Variants in ARHGEF10L observed in about 807,000 individuals in gnomAD.
ARHGEF10L encodes the protein Rho guanine nucleotide exchange factor 10 like.
A neutral mutation model predicts 141.2 loss-of-function variants in ARHGEF10L; 69 were observed. The ratio of observed to expected loss-of-function variants is 0.49; its 90% confidence interval spans 0.40 to 0.60. The LOEUF is 0.60. Among genes scored for constraint, ARHGEF10L ranks in the 20% least tolerant of loss-of-function variants. The pLI is 0.00. For synonymous variants in ARHGEF10L, 711 were observed against 718.5 expected, an observed-to-expected ratio of 0.99 and a Z score of 0.17; for missense variants, 1,482 against 1,734.3, an observed-to-expected ratio of 0.85 and a Z score of 2.58.
At chr1:17,552,573 T>C (rs1452273998) in intron 1 of ARHGEF10L, among the ~76,000 whole-genome samples, 2 of 27,058 alleles carry the variant, frequency 7.4e-5, no homozygotes, top group African/African-American at 3.0e-4. Context: ...TAATTTTCGT[T>C]TTTTTTTTTT....
rs930873530 is a variant in ARHGEF10L at position 17,656,165 on chromosome 1, G to A, written c.2705+63G>A. On this transcript the variant is annotated intron_variant, in intron 24 of 28. Coordinates refer to ENST00000361221, the MANE Select transcript of ARHGEF10L (RefSeq NM_018125.4). The surrounding 1 kb of genome is among the most constrained non-coding windows in gnomAD (Gnocchi z 4.9). The stretch of plus-strand genomic sequence containing the variant: ...CAGGGCTGGGCAGTGGGTGGGGGCT[G>A]TCCCTGTAGCCTTCCGGATCTGCCT... The A allele has an allele frequency of 6.6e-7, 1 of 1,504,094 alleles. No individual in the cohort carries two copies. Among genetic ancestry groups the A allele is most frequent in the Non-Finnish European group, 9.0e-7 (1 of 1,111,622 alleles). 93.2% of individuals were successfully genotyped at this position (1,504,094 alleles called of 1,614,324 possible). A position where few individuals can be genotyped will look rare whatever the true frequency, so the allele number is the denominator to read the frequency against.
rs61749347 is a variant in ARHGEF10L at position 17,687,581 on chromosome 1, C to G, written c.3018C>G (p.Phe1006Leu). 3.7e-5 allele frequency: 59 copies of G among 1,612,792 alleles called. No individual in the cohort carries two copies. The highest frequency in any genetic ancestry group is 4.8e-5 in the Non-Finnish European group (57 of 1,179,936). The change falls in exon 27 of 29, where the codon TTC becomes TTG. Residue 1006 changes from phenylalanine (F) to leucine (L), a missense_variant. Coordinates refer to ENST00000361221, the MANE Select transcript of ARHGEF10L (RefSeq NM_018125.4). ...CTCCCTTTGTGCCACAGCAAAGCTT[C>G]GAGGCGCACCAGGACGAGGCAGTGA... is the stretch of plus-strand genomic sequence containing the variant. ...EATTLQPQQS[F>L]EAHQDEAVSV... is the part of the protein sequence containing the mutation.
chr1:17,661,651 C>A (rs1557966502), intron 25 of ARHGEF10L, among the ~76,000 whole-genome samples: 1 of 152,162 alleles, frequency 6.6e-6, no homozygotes, highest in Non-Finnish European at 1.5e-5. Flanking sequence ...TTCTCAGCAT[C>A]CCTAGCTGCT....
chr1:17,575,921 C>T (rs887285294), intron 1 of ARHGEF10L, among the ~76,000 whole-genome samples: 1 of 152,210 alleles, frequency 6.6e-6, no homozygotes, highest in Non-Finnish European at 1.5e-5. Context: ...GCTTGACAAG[C>T]GTGCTTGGGC....
rs1056873973 is a variant in ARHGEF10L, at chr1:17,654,418, G to T, written c.2395-218G>T. 5.9e-5 allele frequency among the ~76,000 whole-genome samples: 9 copies of T among 152,146 alleles called. No homozygotes were observed. Among genetic ancestry groups the T allele is most frequent in the Admixed American group, 3.3e-4 (5 of 15,280 alleles). ...TGGGCTGATACAGAGCCTCTTGCAG[G>T]CCTCTTCTAGCCGGAAGGTTCTAGG... is the stretch of plus-strand genomic sequence containing the variant. On this transcript the variant is annotated intron_variant, in intron 22 of 28. Transcript: ENST00000361221. The surrounding 1 kb of genome is among the most constrained non-coding windows in gnomAD (Gnocchi z 4.3).
At position 17,553,652 on chromosome 1, in the gene ARHGEF10L, G is replaced by A. The variant is rs184791976; in HGVS notation, c.-44+13702G>A. On this transcript the variant is annotated intron_variant, in intron 1 of 28. Transcript: ENST00000361221. ...CAAAAAACAAAAATTAGCCAGGCATGATGGTGGGCACCTGTAGTCCCAGCT... is the reference window on the plus strand; with the variant it reads ...CAAAAAACAAAAATTAGCCAGGCATAATGGTGGGCACCTGTAGTCCCAGCT... 2.0e-5 allele frequency among the ~76,000 whole-genome samples: 3 copies of A among 152,218 alleles called. No individual in the cohort carries two copies. In the East Asian group the frequency reaches 5.8e-4, roughly 29 times the overall value.
At chr1:17,695,411 T>C in intron 28 of ARHGEF10L, 131 bp downstream of exon 28, 1 of 1,300,870 alleles carries the variant, frequency 7.7e-7, no homozygotes, top group Non-Finnish European at 1.0e-6. Context: ...CTTCCTCTCA[T>C]CTCAGGTGGC....
chr1:17,657,001 G>C (rs567156889), intron 25 of ARHGEF10L, among the ~76,000 whole-genome samples: 1 of 152,152 alleles, frequency 6.6e-6, no homozygotes, highest in Non-Finnish European at 1.5e-5. Context: ...TTCCCGTTCA[G>C]GCTTTGCCCG....
At chr1:17,587,711 C>G in intron 3 of ARHGEF10L, 66 bp downstream of exon 3, 3 of 1,505,332 alleles carry the variant, frequency 2.0e-6, no homozygotes, top group Non-Finnish European at 2.7e-6. Flanking sequence ...GGCGGAAGCT[C>G]CAGGCTCTCA....
Position 17,563,879 on chromosome 1 carries a change from C to T in ARHGEF10L, c.-43-16674C>T, listed in dbSNP as rs565868365. On this transcript the variant is annotated intron_variant, in intron 1 of 28. Coordinates refer to ENST00000361221, the MANE Select transcript of ARHGEF10L (RefSeq NM_018125.4). ...GATTTCAACCTCTCAAAGACCCCTCCGTCGTCTGAGAGCGTCTGATTGTGG... is the reference window on the plus strand; with the variant it reads ...GATTTCAACCTCTCAAAGACCCCTCTGTCGTCTGAGAGCGTCTGATTGTGG... Among the ~76,000 whole-genome samples the T allele has an allele frequency of 2.3e-4, 35 of 152,246 alleles. 2 individuals carry two copies. The South Asian group carries it at 3.5e-3, about 15-fold the overall frequency.
At chr1:17,552,105 A>G (rs1270516683) in intron 1 of ARHGEF10L, among the ~76,000 whole-genome samples, 1 of 152,114 alleles carries the variant, frequency 6.6e-6, no homozygotes, top group Non-Finnish European at 1.5e-5. Flanking sequence ...GGAAAACTCC[A>G]TGGGGCTGGT....
intron 4 of ARHGEF10L, among the ~76,000 whole-genome samples, chr1:17,593,687 G>A (rs1037714170): frequency 7.9e-5 from 12 of 152,202 alleles, no homozygotes; most frequent in Non-Finnish European, 1.3e-4. Flanking sequence ...CCGAAACCTC[G>A]CTTTTAGCCC....
At chr1:17,664,632 C>G (rs750797251) in intron 26 of ARHGEF10L, 37 bp downstream of exon 26, 1 of 1,485,754 alleles carries the variant, frequency 6.7e-7, no homozygotes, top group Non-Finnish European at 8.9e-7. Flanking sequence ...CCCTGGAGGC[C>G]TGCCTTCCTT....
the ARHGEF10L span, among the ~76,000 whole-genome samples, chr1:17,513,467 C>T: frequency 1.1e-4 from 16 of 152,132 alleles, no homozygotes; most frequent in Non-Finnish European, 2.1e-4. Context: ...CTCCAAGGGT[C>T]AGTCTGGTGT....
intron 26 of ARHGEF10L, among the ~76,000 whole-genome samples, chr1:17,681,819 C>G (rs180876398): frequency 7.2e-5 from 11 of 152,334 alleles, no homozygotes; most frequent in Admixed American, 5.9e-4. Flanking sequence ...AGTTCCTCCA[C>G]AAACTTTCCC....
At chr1:17,628,614 G>A (rs1401203894) in intron 15 of ARHGEF10L, among the ~76,000 whole-genome samples, 2 of 152,066 alleles carry the variant, frequency 1.3e-5, no homozygotes, top group Non-Finnish European at 2.9e-5. Context: ...TTTGGAGAAC[G>A]GATACTGTGT....
In ARHGEF10L at chr1:17,539,801, A is replaced by G. The variant is rs2100581136; in HGVS notation, c.-193A>G. 1 of 144,932 alleles carries G rather than the reference A, an allele frequency of 6.9e-6. No homozygotes were observed. Among genetic ancestry groups the G allele is most frequent in the South Asian group, 1.9e-4 (1 of 5,362 alleles). The allele number at this position is 144,932 out of a possible 1,614,324, so 9.0% of individuals were successfully genotyped here. On this transcript the variant is annotated 5_prime_UTR_variant, in exon 1 of 29. Coordinates refer to ENST00000361221, the MANE Select transcript of ARHGEF10L (RefSeq NM_018125.4). The surrounding 1 kb of genome is among the most constrained non-coding windows in gnomAD (Gnocchi z 6.0). ...TCGCGGGCGGGCGGGCGGCGCGGCC[A>G]TTGGCTCGGGTGGCGGCGGCTGCGG...
chr1:17,669,112 C>A (rs182007959), intron 26 of ARHGEF10L, among the ~76,000 whole-genome samples: 121 of 152,322 alleles, frequency 7.9e-4, no homozygotes, highest in African/African-American at 2.8e-3. Context: ...AGAGGAAGGG[C>A]ATTCCTTGCT....
the ARHGEF10L span, among the ~76,000 whole-genome samples, chr1:17,534,280 G>T: frequency 2.6e-5 from 4 of 152,008 alleles, no homozygotes; most frequent in Admixed American, 2.6e-4. Flanking sequence ...CCGCCTCCAC[G>T]CCCGGCTAAT....
Sources: gnomAD v4.1 joint callset for allele counts (sites outside exome capture counted in the v4.1 genomes callset) on GRCh38, gnomAD v4.1.1 for gene constraint, Gnocchi (gnomAD v3.1) non-coding constraint, MANE v1.5 for transcripts, NCBI Gene and HGNC (gene_info 2026-07-23, HGNC 2026-07-21) for gene names.